Variants in GALNT13 observed in about 807,000 individuals in gnomAD.
The protein encoded by GALNT13 is UDP-GalNAc:polypeptide N-acetylgalactosaminyltransferase 13.
GALNT13 carries 28 observed loss-of-function variants against 64.2 expected under a neutral mutation model. That is an observed-to-expected ratio of 0.44 (90% CI 0.32 to 0.60). The LOEUF (loss-of-function observed/expected upper bound fraction) is 0.60. GALNT13 is among the 20% of genes least tolerant of loss of function. The pLI is 0.05. For missense variants in GALNT13, 577 were observed against 669.8 expected, an observed-to-expected ratio of 0.86 and a Z score of 1.53; for synonymous variants, 214 against 224.6, an observed-to-expected ratio of 0.95 and a Z score of 0.42.
the GALNT13 span, among the ~76,000 whole-genome samples, chr2:153,618,997 G>C: frequency 4.6e-5 from 7 of 151,994 alleles, no homozygotes; most frequent in Admixed American, 3.3e-4. Context: ...TCTTTTGATT[G>C]GAGAGTTTAG....
the GALNT13 span, among the ~76,000 whole-genome samples, chr2:153,582,163 G>T: frequency 6.6e-6 from 1 of 152,094 alleles, no homozygotes; most frequent in Non-Finnish European, 1.5e-5. Context: ...TGATTTCATA[G>T]CATGTTTACC....
intron 1 of GALNT13, among the ~76,000 whole-genome samples, chr2:153,875,665 C>T (rs960435141): frequency 4.6e-5 from 7 of 152,046 alleles, no homozygotes; most frequent in Non-Finnish European, 1.0e-4. Flanking sequence ...TATTTTTATT[C>T]TTTATGAATG....
chr2:153,469,379 A>G, the GALNT13 span, among the ~76,000 whole-genome samples: 1 of 152,102 alleles, frequency 6.6e-6, no homozygotes, highest in Non-Finnish European at 1.5e-5. Context: ...CACTATCAGC[A>G]ACCCCATCCC....
chr2:153,820,682 A>G, the GALNT13 span, among the ~76,000 whole-genome samples: 1 of 152,176 alleles, frequency 6.6e-6, no homozygotes, highest in African/African-American at 2.4e-5. Flanking sequence ...ATATGTTACC[A>G]CTACACCAGC....
At chr2:153,293,160 G>A in the GALNT13 span, among the ~76,000 whole-genome samples, 82 of 151,856 alleles carry the variant, frequency 5.4e-4, 1 homozygote, top group African/African-American at 1.7e-3. Context: ...GTTGCTTTCC[G>A]GATCCAGTGG....
the GALNT13 span, among the ~76,000 whole-genome samples, chr2:153,644,251 G>A: frequency 6.6e-6 from 1 of 151,918 alleles, no homozygotes; most frequent in Non-Finnish European, 1.5e-5. Context: ...CAAATTTTTA[G>A]TCATTAAGGC....
intron 4 of GALNT13, among the ~76,000 whole-genome samples, chr2:154,150,001 G>A (rs1212001881): frequency 2.0e-5 from 3 of 152,110 alleles, no homozygotes; most frequent in African/African-American, 4.8e-5. Context: ...TCCCTGTCTT[G>A]TGCCCGTTTT....
At chr2:153,130,431 A>C in the GALNT13 span, among the ~76,000 whole-genome samples, 2 of 152,030 alleles carry the variant, frequency 1.3e-5, no homozygotes, top group African/African-American at 4.8e-5. Context: ...AGAAACATCA[A>C]CTTCTTTGGT....
the GALNT13 span, among the ~76,000 whole-genome samples, chr2:153,219,573 C>A: frequency 6.6e-6 from 1 of 152,198 alleles, no homozygotes; most frequent in Admixed American, 6.5e-5. Context: ...CAATTTTATA[C>A]CACTTCAGAC....
At chr2:154,253,542 A>C (rs1690203969) in intron 7 of GALNT13, among the ~76,000 whole-genome samples, 1 of 152,190 alleles carries the variant, frequency 6.6e-6, no homozygotes, top group South Asian at 2.1e-4. Context: ...TGCACCTGTC[A>C]TCCTGAGACA....
intron 1 of GALNT13, among the ~76,000 whole-genome samples, chr2:153,886,191 C>A (rs1366107961): frequency 9.7e-5 from 14 of 144,156 alleles, no homozygotes; most frequent in African/African-American, 2.0e-4. Context: ...AAAAAAAAAA[C>A]AAATTAACAA....
At chr2:153,619,094 T>C in the GALNT13 span, among the ~76,000 whole-genome samples, 1 of 152,154 alleles carries the variant, frequency 6.6e-6, no homozygotes, top group Admixed American at 6.6e-5. Context: ...GGACTGCTCT[T>C]CCTTGTTTCT....
chr2:153,789,822 G>A, the GALNT13 span, among the ~76,000 whole-genome samples: 2 of 151,982 alleles, frequency 1.3e-5, no homozygotes, highest in Non-Finnish European at 2.9e-5. Flanking sequence ...ACACAAACTA[G>A]AAAACCTAGA....
At chr2:153,404,667 C>T in the GALNT13 span, among the ~76,000 whole-genome samples, 4 of 152,130 alleles carry the variant, frequency 2.6e-5, no homozygotes, top group South Asian at 2.1e-4. Flanking sequence ...AATTATGTGA[C>T]GGATACCACT....
chr2:153,825,395 A>G, the GALNT13 span, among the ~76,000 whole-genome samples: 1 of 152,194 alleles, frequency 6.6e-6, no homozygotes, highest in Non-Finnish European at 1.5e-5. Flanking sequence ...ATTAGAATCA[A>G]TTATAGCAAT....
At chr2:154,369,868 AT>A (rs1481125542) in intron 9 of GALNT13, among the ~76,000 whole-genome samples, 4 of 152,102 alleles carry the variant, frequency 2.6e-5, no homozygotes, top group African/African-American at 9.7e-5. Context: ...GCTCACATGA[AT>A]TCTTTACAAT....
chr2:154,382,314 T>C (rs1698310304), intron 9 of GALNT13, among the ~76,000 whole-genome samples: 1 of 152,106 alleles, frequency 6.6e-6, no homozygotes, highest in Non-Finnish European at 1.5e-5. Flanking sequence ...AAGAATATTT[T>C]AGCATCACAA....
chr2:153,127,866 A>G, the GALNT13 span, among the ~76,000 whole-genome samples: 3 of 152,184 alleles, frequency 2.0e-5, no homozygotes, highest in African/African-American at 7.2e-5. Context: ...GAGCACCTTA[A>G]AGTTCCTTTG....
At chr2:154,110,845 A>G (rs1702945614) in intron 3 of GALNT13, among the ~76,000 whole-genome samples, 5 of 152,188 alleles carry the variant, frequency 3.3e-5, no homozygotes, top group Non-Finnish European at 1.5e-5. Flanking sequence ...GAGGTTATAC[A>G]TAATCTTCAA....
Sources: gnomAD v4.1 joint callset for allele counts (sites outside exome capture counted in the v4.1 genomes callset) on GRCh38, gnomAD v4.1.1 for gene constraint, MANE v1.5 for transcripts, NCBI Gene and HGNC (gene_info 2026-07-23, HGNC 2026-07-21) for gene names.